Variants in GRID2 observed in about 807,000 individuals in gnomAD.
GRID2 encodes glutamate receptor ionotropic, delta-2.
Under a neutral mutation model 114.8 loss-of-function variants are expected in GRID2, and 33 were observed. The ratio of observed to expected loss-of-function variants is 0.29; its 90% CI spans 0.22 to 0.38. GRID2 has a LOEUF of 0.38. Among genes scored for constraint, GRID2 ranks in the 10% least tolerant of loss-of-function variants. The pLI, the probability that GRID2 is intolerant of heterozygous loss-of-function variation, is 1.00. For synonymous variants in GRID2, 505 were observed against 449.9 expected (o/e 1.12, Z -1.55); for missense variants, 1,184 against 1,257.7 (o/e 0.94, Z 0.89).
At chr4:93,723,788 G>A in intron 14 of GRID2, among the ~76,000 whole-genome samples, 1 of 152,178 alleles carries the variant, frequency 6.6e-6, no homozygotes, top group Non-Finnish European at 1.5e-5. Flanking sequence ...CTTCTTAGTT[G>A]AGTAAGACAT....
chr4:92,808,100 T>C (rs1421939275), intron 2 of GRID2, among the ~76,000 whole-genome samples: 2 of 152,016 alleles, frequency 1.3e-5, no homozygotes, highest in African/African-American at 2.4e-5. Flanking sequence ...GAGAGATTTT[T>C]TGGTGCTGCA....
At chr4:92,444,708 T>C (rs984088152) in intron 1 of GRID2, among the ~76,000 whole-genome samples, 1 of 152,184 alleles carries the variant, frequency 6.6e-6, no homozygotes. Context: ...TCTTTTTAAA[T>C]ATCCGTACAG....
chr4:93,448,807 TTCCCTTCCC>T (rs1410796436), intron 10 of GRID2, among the ~76,000 whole-genome samples: 1 of 8,472 alleles, frequency 1.2e-4, no homozygotes, highest in South Asian at 0.014. Flanking sequence ...TTCCCTTCCC[TTCCCTTCCC>T]TTCCCTTCCC....
chr4:92,581,189 C>G (rs7691365), intron 1 of GRID2, among the ~76,000 whole-genome samples: 57,441 of 150,028 alleles, frequency 0.38, 10,979 homozygotes, highest in Middle Eastern at 0.47. Flanking sequence ...ACTGTCCAGT[C>G]CCCCCACCCT....
At chr4:92,737,571 A>T (rs1452727280) in intron 2 of GRID2, among the ~76,000 whole-genome samples, 3 of 152,104 alleles carry the variant, frequency 2.0e-5, no homozygotes, top group African/African-American at 7.2e-5. Flanking sequence ...GTCTAATAGG[A>T]ATACTATGGT....
At chr4:92,516,304 A>T (rs1275917286) in intron 1 of GRID2, among the ~76,000 whole-genome samples, 1 of 151,906 alleles carries the variant, frequency 6.6e-6, no homozygotes, top group Non-Finnish European at 1.5e-5. Context: ...TTATTCTATA[A>T]CAATTCTTTG....
intron 2 of GRID2, among the ~76,000 whole-genome samples, chr4:92,712,880 G>C (rs930546381): frequency 3.3e-5 from 5 of 152,026 alleles, no homozygotes; most frequent in African/African-American, 7.2e-5. Flanking sequence ...TTGAGATCTA[G>C]CTACTGTATG....
At chr4:92,446,186 A>C (rs527584213) in intron 1 of GRID2, among the ~76,000 whole-genome samples, 1 of 152,118 alleles carries the variant, frequency 6.6e-6, no homozygotes, top group Non-Finnish European at 1.5e-5. Flanking sequence ...ACCTCAAGTG[A>C]TCAGGCCACC....
intron 2 of GRID2, among the ~76,000 whole-genome samples, chr4:92,662,011 G>A (rs1732543264): frequency 6.6e-6 from 1 of 150,992 alleles, no homozygotes; most frequent in Non-Finnish European, 1.5e-5. Context: ...ACTTTAAGCT[G>A]AGGATGCCCA....
chr4:92,813,381 C>T lies in GRID2; in HGVS notation c.244+223095C>T, dbSNP rs142234206. On this transcript the variant is annotated intron_variant, in intron 2 of 15. Coordinates refer to ENST00000282020, the MANE Select transcript of GRID2 (RefSeq NM_001510.4). The stretch of plus-strand genomic sequence containing the variant: ...CACAGCAGAAAGAGAGCAAGCTATA[C>T]AGGCGCTTAATTTCATTAATAGGTT... 6.5e-3 allele frequency among the ~76,000 whole-genome samples: 982 copies of T among 152,218 alleles called. 18 individuals carry two copies. Among genetic ancestry groups the T allele is most frequent in the African/African-American group, 0.022 (921 of 41,544 alleles).
intron 12 of GRID2, among the ~76,000 whole-genome samples, chr4:93,504,884 T>G (rs1321006024): frequency 6.6e-6 from 1 of 152,118 alleles, no homozygotes; most frequent in East Asian, 1.9e-4. Flanking sequence ...TAGTATTTAA[T>G]TTGACAAAGA....
chr4:93,337,678 G>C (rs1228900355), intron 8 of GRID2, among the ~76,000 whole-genome samples: 2 of 152,020 alleles, frequency 1.3e-5, no homozygotes, highest in Non-Finnish European at 2.9e-5. Flanking sequence ...AAGTAGTTAT[G>C]GCCTCTGCTC....
intron 8 of GRID2, among the ~76,000 whole-genome samples, chr4:93,379,239 A>C (rs1402273802): frequency 6.6e-6 from 1 of 152,124 alleles, no homozygotes; most frequent in Non-Finnish European, 1.5e-5. Context: ...TATTATCAAT[A>C]AGACAAGTAA....
intron 2 of GRID2, among the ~76,000 whole-genome samples, chr4:93,045,823 A>G (rs1319785369): frequency 2.0e-5 from 3 of 152,122 alleles, no homozygotes; most frequent in Non-Finnish European, 4.4e-5. Context: ...GTGTTTATAA[A>G]CATTCTGAAG....
chr4:92,701,704 C>T (rs1271868238), intron 2 of GRID2, among the ~76,000 whole-genome samples: 1 of 152,178 alleles, frequency 6.6e-6, no homozygotes, highest in African/African-American at 2.4e-5. Flanking sequence ...AAAGCCAGGA[C>T]ATATTTTCTT....
intron 13 of GRID2, among the ~76,000 whole-genome samples, chr4:93,588,717 C>A (rs1049476871): frequency 6.6e-6 from 1 of 152,176 alleles, no homozygotes; most frequent in Non-Finnish European, 1.5e-5. Flanking sequence ...CTGAGCCCTG[C>A]CCCTTCTCCC....
At chr4:92,888,871 GA>G (rs561420242) in intron 2 of GRID2, among the ~76,000 whole-genome samples, 368 of 148,500 alleles carry the variant, frequency 2.5e-3, no homozygotes, top group African/African-American at 7.4e-3. Context: ...CACTTGGAAA[GA>G]AAAAAAAACT....
At chr4:92,381,506 G>GTT (rs34512736) in intron 1 of GRID2, among the ~76,000 whole-genome samples, 161 of 148,620 alleles carry the variant, frequency 1.1e-3, no homozygotes, top group African/African-American at 3.8e-3. Flanking sequence ...TAAAAGAAGT[G>GTT]TTTTTTTTTT....
intron 8 of GRID2, among the ~76,000 whole-genome samples, chr4:93,331,763 AAAT>A (rs1758486515): frequency 6.6e-6 from 1 of 152,138 alleles, no homozygotes; most frequent in Admixed American, 6.6e-5. Context: ...CTGTAAATAT[AAAT>A]AATAATTGAT....
Sources: allele counts gnomAD v4.1 joint callset (sites outside exome capture counted in the v4.1 genomes callset), GRCh38; gene constraint gnomAD v4.1.1; transcripts MANE v1.5; gene names NCBI Gene and HGNC (gene_info 2026-07-23, HGNC 2026-07-21).